BAG3: variants seen among roughly 807,000 people sequenced by gnomAD.
The protein encoded by BAG3 is BAG cochaperone 3, also known as BAG family molecular chaperone regulator 3.
A neutral mutation model predicts 40.5 loss-of-function variants in BAG3; 14 were observed. That is an observed-to-expected ratio of 0.35 (90% CI 0.23 to 0.54). BAG3 has a LOEUF of 0.54. Ranked by LOEUF, BAG3 falls within the 20% of genes least tolerant of loss-of-function variation. The probability of loss-of-function intolerance (pLI) is 0.91; values close to 1 mark genes in which losing one functional copy is unlikely to be tolerated. For missense variants in BAG3, 788 were observed against 758.6 expected, an observed-to-expected ratio of 1.04 and a Z score of -0.46; for synonymous variants, 302 against 307.8, an observed-to-expected ratio of 0.98 and a Z score of 0.20.
chr10:119,677,182 A>AAGATCCCCACACAGAAACCCAGCAGCC lies in BAG3; in HGVS notation c.1632_1658dup (p.Asp544_Pro552dup), dbSNP rs2134069510. On this transcript the variant is annotated inframe_insertion, in exon 4 of 4. Coordinates refer to ENST00000369085, the MANE Select transcript of BAG3 (RefSeq NM_004281.4). ...GGCAAGAAAAATGCTGGAAATGCAGAAGATCCCCACACAGAAACCCAGCAG... is the reference window on the plus strand; with the variant it reads ...GGCAAGAAAAATGCTGGAAATGCAGAAGATCCCCACACAGAAACCCAGCAGCCAGATCCCCACACAGAAACCCAGCAG... 1.9e-6 allele frequency: 3 copies of AAGATCCCCACACAGAAACCCAGCAGCC among 1,614,176 alleles called. No individual in the cohort carries two copies. The highest frequency in any genetic ancestry group is 2.5e-6 in the Non-Finnish European group (3 of 1,180,020).
chr10:119,663,346 C>T (rs567944514), intron 1 of BAG3, among the ~76,000 whole-genome samples: 3 of 152,254 alleles, frequency 2.0e-5, no homozygotes, highest in African/African-American at 7.2e-5. Context: ...GTCGCCCAGG[C>T]TGGAGTGCAG....
intron 1 of BAG3, among the ~76,000 whole-genome samples, chr10:119,668,691 C>G (rs571909053): frequency 4.6e-5 from 7 of 152,208 alleles, no homozygotes; most frequent in Non-Finnish European, 8.8e-5. Flanking sequence ...CCAAAATAGC[C>G]AGGCCACTGA....
chr10:119,657,555 CG>C (rs778130215), intron 1 of BAG3: 1 of 471,138 alleles, frequency 2.1e-6, no homozygotes, highest in South Asian at 1.5e-5. Context: ...AAGAGCTGCC[CG>C]TGAAGGATGC....
chr10:119,672,255 C>T lies in BAG3; in HGVS notation c.508C>T (p.Arg170Trp), dbSNP rs200479768. The T allele has an allele frequency of 4.2e-5, 67 of 1,612,560 alleles. No homozygotes were observed. Among genetic ancestry groups the T allele is most frequent in the Admixed American group, 2.0e-4 (12 of 59,998 alleles). ...GCCCTCTACCCTGTGTCTCTTGCAG[C>T]GGTCCCAGTCTCCAGCTGCCTCTGA... is the stretch of plus-strand genomic sequence containing the variant. ...AQPPASHGPE[R>W]SQSPAASDCS... The change falls in exon 3 of 4, where the codon CGG (arginine) becomes TGG (tryptophan). Residue 170 changes from arginine to tryptophan, a missense_variant and splice_region_variant. Arg to Trp is a moderately radical substitution (Grantham distance 101). Coordinates refer to ENST00000369085, the MANE Select transcript of BAG3 (RefSeq NM_004281.4). This position sits in a 1 kb window ranked among gnomAD's most constrained non-coding sequence, Gnocchi z 4.8.
At chr10:119,657,054 C>T (rs1205106102) in intron 1 of BAG3, among the ~76,000 whole-genome samples, 3 of 152,150 alleles carry the variant, frequency 2.0e-5, no homozygotes, top group Non-Finnish European at 4.4e-5. Flanking sequence ...TTATACTCCC[C>T]AGGCACAGCT....
rs1554876557 is a variant in BAG3, at chr10:119,665,092, TTGTGTGTGTG to T, written c.181-4733_181-4724del. Among the ~76,000 whole-genome samples the T allele has an allele frequency of 1.1e-4, 10 of 88,004 alleles. No individual in the cohort carries two copies. In the East Asian group the frequency reaches 2.1e-3, roughly 18 times the overall value. 57.7% of individuals were successfully genotyped at this position (88,004 alleles called of 152,430 possible). On this transcript the variant is annotated intron_variant, in intron 1 of 3. Coordinates refer to ENST00000369085, the MANE Select transcript of BAG3 (RefSeq NM_004281.4). Reference sequence around the variant, plus strand: ...GCCACCACACACAGCTAATTTTTGTTTGTGTGTGTGTGTGTGTGTGTGTGTGTGTGTGTGT... The same window carrying T: ...GCCACCACACACAGCTAATTTTTGTTTGTGTGTGTGTGTGTGTGTGTGTGT...
In BAG3 at chr10:119,672,806, A is replaced by G; in HGVS notation, c.909+150A>G. The G allele has an allele frequency of 8.5e-7, 1 of 1,175,534 alleles. No homozygotes were observed. The highest frequency in any genetic ancestry group is 1.2e-6 in the Non-Finnish European group (1 of 824,440). The allele number at this position is 1,175,534 out of a possible 1,614,324, so 72.8% of individuals were successfully genotyped here. ...AGTGAGATTCGAGAAATTGCTAGGT[A>G]TTAACAGAAATGCAGGACAGTTGCT... On this transcript the variant is annotated intron_variant, in intron 3 of 3. Transcript: ENST00000369085. This position sits in a 1 kb window ranked among gnomAD's most constrained non-coding sequence, Gnocchi z 4.8.
chr10:119,658,553 G>A (rs1846946613), intron 1 of BAG3, among the ~76,000 whole-genome samples: 1 of 152,202 alleles, frequency 6.6e-6, no homozygotes, highest in African/African-American at 2.4e-5. Context: ...GTGGCTGGGC[G>A]AAATGGAAGC....
rs1564776574 is a variant in BAG3, at chr10:119,676,609, C to G, written c.1055C>G (p.Ser352Cys). ...AAAGAGGTGGATTCTAAACCTGTTT[C>G]CCAGAAGCCCCCACCTCCCTCTGAG... ...IRKEVDSKPV[S>C]QKPPPPSEKV... Residue 352 changes from serine (S) to cysteine (C), a missense_variant, in exon 4 of 4, where the codon TCC (serine) becomes TGC (cysteine). Transcript: ENST00000369085. 2 of 1,614,136 alleles carry G rather than the reference C, an allele frequency of 1.2e-6. No homozygotes were observed. The highest frequency in any genetic ancestry group is 4.5e-5 in the East Asian group (2 of 44,874).
chr10:119,677,413 A>C lies in BAG3; in HGVS notation c.*131A>C. On this transcript the variant is annotated 3_prime_UTR_variant, in exon 4 of 4. Coordinates refer to ENST00000369085, the MANE Select transcript of BAG3 (RefSeq NM_004281.4). ...GGTATGCAGTAACTTGGGTGGAGGC[A>C]AAACACTAATAAAAGGGCTAAAAAG... 1 of 1,082,154 alleles carries C rather than the reference A, an allele frequency of 9.2e-7. No homozygotes were observed. Among genetic ancestry groups the C allele is most frequent in the Non-Finnish European group, 1.4e-6 (1 of 720,798 alleles). The allele number at this position is 1,082,154 out of a possible 1,614,324, so 67.0% of individuals were successfully genotyped here. A position where few individuals can be genotyped will look rare whatever the true frequency, so the allele number is the denominator to read the frequency against.
rs367864009 is a variant in BAG3, at chr10:119,662,215, G to GTTTTTTT, written c.181-7632_181-7626dup. Among the ~76,000 whole-genome samples, 51 of 90,372 alleles carry GTTTTTTT rather than the reference G, an allele frequency of 5.6e-4. 2 individuals are homozygous for GTTTTTTT. Among genetic ancestry groups the GTTTTTTT allele is most frequent in the Non-Finnish European group, 8.4e-4 (39 of 46,456 alleles). 59.3% of individuals were successfully genotyped at this position (90,372 alleles called of 152,430 possible). On this transcript the variant is annotated intron_variant, in intron 1 of 3. Transcript: ENST00000369085. Reference sequence around the variant, plus strand: ...GGCCCCCGCCACCATGCCTGGCTATGTTTTTTTTTTGTTTTTTTTTTTTTT... The same window carrying GTTTTTTT: ...GGCCCCCGCCACCATGCCTGGCTATGTTTTTTTTTTTTTTTTTGTTTTTTTTTTTTTT...
intron 1 of BAG3, among the ~76,000 whole-genome samples, chr10:119,653,823 A>G (rs1356354839): frequency 6.6e-6 from 1 of 152,222 alleles, no homozygotes; most frequent in Non-Finnish European, 1.5e-5. Context: ...TCCTAATAAG[A>G]GGCAGTGTGT....
At chr10:119,675,532 T>C (rs911087023) in intron 3 of BAG3, among the ~76,000 whole-genome samples, 4 of 152,134 alleles carry the variant, frequency 2.6e-5, no homozygotes, top group African/African-American at 9.7e-5. Flanking sequence ...GGGCAGAAAC[T>C]ACTAGGCTGT....
chr10:119,675,919 T>TCCTTCCTTCCTTCCTTCCTTCCTCCCTC (rs1554877671), intron 3 of BAG3, among the ~76,000 whole-genome samples: 1 of 10,132 alleles, frequency 9.9e-5, no homozygotes, highest in African/African-American at 5.0e-4. Flanking sequence ...CTTCCTTCCT[T>TCCTTCCTTCCTTCCTTCCTTCCTCCCTC]CCTCCCTCCC....
chr10:119,672,150 C>A lies in BAG3; in HGVS notation c.508-105C>A, dbSNP rs1169914446. Reference sequence around the variant, plus strand: ...TGAAAATTACAGATAGGAGGTCTTACAATATGGATTGCCCTGAGGAGGTGC... The same window carrying A: ...TGAAAATTACAGATAGGAGGTCTTAAAATATGGATTGCCCTGAGGAGGTGC... On this transcript the variant is annotated intron_variant, in intron 2 of 3. Transcript: ENST00000369085. This position sits in a 1 kb window ranked among gnomAD's most constrained non-coding sequence, Gnocchi z 4.8. 9.0e-6 allele frequency: 13 copies of A among 1,449,976 alleles called. No individual in the cohort carries two copies. Among genetic ancestry groups the A allele is most frequent in the Non-Finnish European group, 1.1e-5 (12 of 1,044,692 alleles). 89.8% of individuals were successfully genotyped at this position (1,449,976 alleles called of 1,614,324 possible).
At chr10:119,653,562 C>G (rs574584476) in intron 1 of BAG3, among the ~76,000 whole-genome samples, 1 of 152,230 alleles carries the variant, frequency 6.6e-6, no homozygotes, top group South Asian at 2.1e-4. Context: ...TTTCATAAAC[C>G]TTATTAAAAG....
At chr10:119,662,227 T>TG (rs1317567215) in intron 1 of BAG3, among the ~76,000 whole-genome samples, 86 of 62,282 alleles carry the variant, frequency 1.4e-3, no homozygotes, top group African/African-American at 4.4e-3. Context: ...TTTTTTTTTG[T>TG]TTTTTTTTTT....
chr10:119,668,705 G>A (rs904892224), intron 1 of BAG3, among the ~76,000 whole-genome samples: 6 of 152,338 alleles, frequency 3.9e-5, no homozygotes, highest in Non-Finnish European at 7.3e-5. Flanking sequence ...CCACTGAAGG[G>A]AGAACTTCAA....
At chr10:119,675,437 T>G (rs1211351313) in intron 3 of BAG3, among the ~76,000 whole-genome samples, 1 of 152,224 alleles carries the variant, frequency 6.6e-6, no homozygotes, top group East Asian at 1.9e-4. Context: ...AATGTTAGGC[T>G]ACAGCACAGC....
Sources: allele counts gnomAD v4.1 joint callset (sites outside exome capture counted in the v4.1 genomes callset), GRCh38; gene constraint gnomAD v4.1.1; non-coding constraint Gnocchi (gnomAD v3.1); transcripts MANE v1.5; gene names NCBI Gene and HGNC (gene_info 2026-07-23, HGNC 2026-07-21).